The following PRELID2 variants were observed in gnomAD, a reference collection of about 807,000 sequenced individuals.
PRELID2 encodes PRELI domain containing 2.
A neutral mutation model predicts 28.4 loss-of-function variants in PRELID2; 25 were observed. The ratio of observed to expected loss-of-function variants is 0.88; its 90% CI spans 0.64 to 1.23. The LOEUF is 1.23. Ranked by LOEUF, PRELID2 falls within the 50% of genes most tolerant of loss-of-function variation. The pLI is 0.00. For synonymous variants in PRELID2, 76 were observed against 71.6 expected, an observed-to-expected ratio of 1.06 and a Z score of -0.31; for missense variants, 201 against 214.4, an observed-to-expected ratio of 0.94 and a Z score of 0.39.
At chr5:145,278,492 A>C in the PRELID2 span, among the ~76,000 whole-genome samples, 1 of 152,256 alleles carries the variant, frequency 6.6e-6, no homozygotes, top group Non-Finnish European at 1.5e-5. Flanking sequence ...TGTTAAGCAG[A>C]CATCACTTTC....
intron 1 of PRELID2, among the ~76,000 whole-genome samples, chr5:145,552,827 G>C (rs1752848918): frequency 1.3e-5 from 2 of 152,020 alleles, no homozygotes; most frequent in South Asian, 4.1e-4. Context: ...CTACTTTCTA[G>C]GTATTCACAA....
chr5:145,372,955 A>AT, the PRELID2 span, among the ~76,000 whole-genome samples: 90 of 47,282 alleles, frequency 1.9e-3, 1 homozygote, highest in East Asian at 0.07. Context: ...ATATGATATT[A>AT]TATATTACAA....
At chr5:145,461,495 G>C in the PRELID2 span, among the ~76,000 whole-genome samples, 1 of 151,976 alleles carries the variant, frequency 6.6e-6, no homozygotes, top group Non-Finnish European at 1.5e-5. Context: ...GTAGAGATGG[G>C]GTTTCACCAT....
the PRELID2 span, among the ~76,000 whole-genome samples, chr5:145,389,313 G>C: frequency 6.6e-5 from 10 of 152,140 alleles, no homozygotes; most frequent in South Asian, 1.7e-3. Context: ...TCTTAGAGGG[G>C]CTTGTGAATG....
chr5:145,682,723 C>T (rs1360608786), intron 1 of PRELID2, among the ~76,000 whole-genome samples: 1 of 152,160 alleles, frequency 6.6e-6, no homozygotes, highest in African/African-American at 2.4e-5. Context: ...GACACGCTCC[C>T]TTCCTGAGGC....
At chr5:145,617,482 G>C (rs1581005685) in intron 1 of PRELID2, among the ~76,000 whole-genome samples, 1 of 152,272 alleles carries the variant, frequency 6.6e-6, no homozygotes, top group South Asian at 2.1e-4. Context: ...TCCGTTCGGG[G>C]TTCCTGACTT....
chr5:145,553,086 G>T (rs1053293572), intron 1 of PRELID2, among the ~76,000 whole-genome samples: 11 of 151,858 alleles, frequency 7.2e-5, no homozygotes, highest in Admixed American at 3.3e-4. Context: ...AAAGTCATCA[G>T]AGAGTTCACT....
At chr5:145,346,038 A>G in the PRELID2 span, among the ~76,000 whole-genome samples, 2 of 152,128 alleles carry the variant, frequency 1.3e-5, no homozygotes, top group East Asian at 3.9e-4. Context: ...GAGAAAGTTA[A>G]AGACCATTTC....
At chr5:145,687,566 C>T (rs1316819490) in intron 1 of PRELID2, among the ~76,000 whole-genome samples, 1 of 152,202 alleles carries the variant, frequency 6.6e-6, no homozygotes, top group Non-Finnish European at 1.5e-5. Flanking sequence ...ATTAAATCAA[C>T]TAACAAAATT....
At chr5:145,291,921 A>T in the PRELID2 span, among the ~76,000 whole-genome samples, 40 of 152,336 alleles carry the variant, frequency 2.6e-4, no homozygotes, top group African/African-American at 9.4e-4. Flanking sequence ...CTTTGTTAAA[A>T]GTAAGTTGAC....
In PRELID2 at chr5:145,724,605, ATATATATAT is replaced by A. The variant is rs1561558960; in HGVS notation, n.70+40317_70+40325del. 6.6e-3 allele frequency among the ~76,000 whole-genome samples: 545 copies of A among 82,606 alleles called. 21 individuals are homozygous for A. Among genetic ancestry groups the A allele is most frequent in the African/African-American group, 0.019 (487 of 25,056 alleles). 54.2% of individuals were successfully genotyped at this position (82,606 alleles called of 152,430 possible). A position where few individuals can be genotyped will look rare whatever the true frequency, so the allele number is the denominator to read the frequency against. On this transcript the variant is annotated intron_variant and non_coding_transcript_variant, in intron 1 of 2. Transcript: ENST00000510259. The stretch of plus-strand genomic sequence containing the variant: ...GAAATAACAAGAAGTAAATAAATAT[ATATATATAT>A]ATATATATATATATATATATATATA...
At chr5:145,376,175 T>C in the PRELID2 span, among the ~76,000 whole-genome samples, 2 of 152,196 alleles carry the variant, frequency 1.3e-5, no homozygotes, top group African/African-American at 4.8e-5. Context: ...TCCTTAATTC[T>C]CTTTACGTGA....
chr5:145,277,063 G>C, the PRELID2 span, among the ~76,000 whole-genome samples: 1 of 152,020 alleles, frequency 6.6e-6, no homozygotes, highest in Non-Finnish European at 1.5e-5. Flanking sequence ...AATCCCTGAA[G>C]ACTGTGGTTT....
the PRELID2 span, among the ~76,000 whole-genome samples, chr5:145,293,676 TATG>T: frequency 6.6e-6 from 1 of 152,194 alleles, no homozygotes; most frequent in Non-Finnish European, 1.5e-5. Flanking sequence ...ATGTTATTAA[TATG>T]ATAAGTAAAT....
the PRELID2 span, among the ~76,000 whole-genome samples, chr5:145,314,615 A>G: frequency 2.6e-5 from 4 of 152,148 alleles, no homozygotes; most frequent in East Asian, 7.7e-4. Flanking sequence ...AACAATATAA[A>G]TAATATAATA....
At chr5:145,355,168 G>A in the PRELID2 span, among the ~76,000 whole-genome samples, 2 of 152,160 alleles carry the variant, frequency 1.3e-5, no homozygotes, top group Non-Finnish European at 2.9e-5. Context: ...TCTTAAAAAT[G>A]TCTATAAATT....
At chr5:145,660,895 G>A (rs557588657) in intron 1 of PRELID2, among the ~76,000 whole-genome samples, 15 of 152,346 alleles carry the variant, frequency 9.8e-5, no homozygotes, top group African/African-American at 3.6e-4. Flanking sequence ...AAGTATGTAT[G>A]TGTAATGAAC....
the PRELID2 span, among the ~76,000 whole-genome samples, chr5:145,368,780 CTT>C: frequency 6.6e-6 from 1 of 151,068 alleles, no homozygotes; most frequent in African/African-American, 2.4e-5. Flanking sequence ...AATGCAGTCT[CTT>C]TCATTTTTTT....
At chr5:145,360,425 G>A in the PRELID2 span, among the ~76,000 whole-genome samples, 2 of 152,018 alleles carry the variant, frequency 1.3e-5, no homozygotes, top group Admixed American at 1.3e-4. Flanking sequence ...ATGCAAGAAA[G>A]GAAAGACGAA....
Sources: allele counts gnomAD v4.1 joint callset (sites outside exome capture counted in the v4.1 genomes callset), GRCh38; gene constraint gnomAD v4.1.1; transcripts MANE v1.5; gene names NCBI Gene and HGNC (gene_info 2026-07-23, HGNC 2026-07-21).